The following NPFFR1 variants were observed in gnomAD, a reference collection of about 807,000 sequenced individuals.
The protein encoded by NPFFR1 is G-protein coupled receptor 147.
NPFFR1 carries 17 observed loss-of-function variants against 12.7 expected under a neutral mutation model. The ratio of observed to expected loss-of-function variants is 1.34; its 90% CI spans 0.92 to 2.01. The LOEUF (loss-of-function observed/expected upper bound fraction) is 2.01. Ranked by LOEUF, NPFFR1 falls within the 30% of genes most tolerant of loss-of-function variation. NPFFR1 has a pLI of 0.00. For missense variants in NPFFR1, 604 were observed against 606.5 expected (o/e 1.00, Z 0.04); for synonymous variants, 296 against 264.5 (o/e 1.12, Z -1.16).
intron 1 of NPFFR1, among the ~76,000 whole-genome samples, chr10:70,273,612 G>A (rs1266499449): frequency 6.6e-6 from 1 of 152,138 alleles, no homozygotes; most frequent in Non-Finnish European, 1.5e-5. Context: ...CCCCTGGGGA[G>A]TCAGCCTCCT....
intron 1 of NPFFR1, among the ~76,000 whole-genome samples, chr10:70,271,328 C>T (rs1057435395): frequency 3.3e-5 from 5 of 152,000 alleles, no homozygotes; most frequent in Admixed American, 6.6e-5. Context: ...GCCTGAGCAA[C>T]AGAGTGAAAC....
Position 70,249,605 on chromosome 10 carries a change from C to T in NPFFR1, c.*5352G>A, listed in dbSNP as rs1840489737. On this transcript the variant is annotated 3_prime_UTR_variant, in exon 4 of 4. Transcript: ENST00000277942. ...TCAAGTGATTCTCCTGCCTCAGTCT[C>T]CCAAGTAGCTGGGATTACAGGCGCA... 6.6e-6 allele frequency: 1 copy of T among 151,336 alleles called. No individual in the cohort carries two copies. Among genetic ancestry groups the T allele is most frequent in the Non-Finnish European group, 1.5e-5 (1 of 67,878 alleles). The allele number at this position is 151,336 out of a possible 1,614,324, so 9.4% of individuals were successfully genotyped here.
At chr10:70,262,705 T>C (rs923856389) in intron 2 of NPFFR1, among the ~76,000 whole-genome samples, 1 of 152,186 alleles carries the variant, frequency 6.6e-6, no homozygotes, top group East Asian at 1.9e-4. Context: ...GAGGTATCAG[T>C]CTGAACTCAT....
chr10:70,278,217 C>A (rs1226488761), intron 1 of NPFFR1, among the ~76,000 whole-genome samples: 2 of 152,008 alleles, frequency 1.3e-5, no homozygotes, highest in Non-Finnish European at 2.9e-5. Context: ...AGAATCATCC[C>A]CCTCTCCCCA....
At position 70,255,632 on chromosome 10, in the gene NPFFR1, G is replaced by A; in HGVS notation, c.618C>T (p.Ala206=). ...RSYPLYSCWE[A]WPEKGMRRVY... is the part of the protein sequence containing the mutation. ...CCCTGCGCATGCCCTTCTCGGGCCAGGCCTCCCAGCAGGAGTAGAGCGGGT... is the reference window on the plus strand; with the variant it reads ...CCCTGCGCATGCCCTTCTCGGGCCAAGCCTCCCAGCAGGAGTAGAGCGGGT... Residue 206 remains alanine, a synonymous_variant, in exon 4 of 4, where the codon GCC becomes GCT. Transcript: ENST00000277942. This position sits in a 1 kb window ranked among gnomAD's most constrained non-coding sequence, Gnocchi z 4.2. The A allele has an allele frequency of 6.3e-7, 1 of 1,583,548 alleles. No homozygotes were observed.
At chr10:70,281,002 AAAC>A (rs144095454) in intron 1 of NPFFR1, among the ~76,000 whole-genome samples, 3,254 of 151,948 alleles carry the variant, frequency 0.021, 106 homozygotes, top group African/African-American at 0.073. Context: ...ACTCCGTCTC[AAAC>A]AACAACAACA....
Position 70,254,893 on chromosome 10 carries a change from C to G in NPFFR1, c.*64G>C. ...TCACCTAACCACACCAGGCCGCTAT[C>G]GCCTGCATGTATCTCGTGTCCAATC... On this transcript the variant is annotated 3_prime_UTR_variant, in exon 4 of 4. Coordinates refer to ENST00000277942, the MANE Select transcript of NPFFR1 (RefSeq NM_022146.5). 1 of 1,374,090 alleles carries G rather than the reference C, an allele frequency of 7.3e-7. No homozygotes were observed. The allele number at this position is 1,374,090 out of a possible 1,614,324, so 85.1% of individuals were successfully genotyped here. A position where few individuals can be genotyped will look rare whatever the true frequency, so the allele number is the denominator to read the frequency against.
intron 3 of NPFFR1, among the ~76,000 whole-genome samples, chr10:70,260,160 G>A (rs966598369): frequency 3.9e-5 from 6 of 152,204 alleles, no homozygotes; most frequent in East Asian, 1.9e-4. Flanking sequence ...GCTGAGAGAC[G>A]AGAAGCGGTG....
At position 70,249,017 on chromosome 10, in the gene NPFFR1, G is replaced by A. The variant is rs1840483000; in HGVS notation, c.*5940C>T. ...TACTCAAACATCACCTCTTCACAGA[G>A]GCCATTCCTAACCATCTGTTCAAAT... On this transcript the variant is annotated 3_prime_UTR_variant, in exon 4 of 4. Coordinates refer to ENST00000277942, the MANE Select transcript of NPFFR1 (RefSeq NM_022146.5). 6.6e-6 allele frequency: 1 copy of A among 152,066 alleles called. No individual in the cohort carries two copies. The highest frequency in any genetic ancestry group is 6.5e-5 in the Admixed American group (1 of 15,282). The allele number at this position is 152,066 out of a possible 1,614,324, so 9.4% of individuals were successfully genotyped here.
chr10:70,255,330 G>T lies in NPFFR1; in HGVS notation c.920C>A (p.Thr307Asn). 6.3e-7 allele frequency: 1 copy of T among 1,578,486 alleles called. No homozygotes were observed. ...QLSAPQLHLV[T>N]VYAFPFAHWL... is the part of the protein sequence containing the mutation. ...GTGCGCGAAGGGGAAGGCGTAGACG[G>T]TGACCAGGTGCAGCTGCGGCGCGCT... Residue 307 changes from threonine (T) to asparagine (N), a missense_variant, in exon 4 of 4, where the codon ACC becomes AAC. Thr to Asn is a moderately conservative substitution (Grantham distance 65, BLOSUM62 0). Transcript: ENST00000277942. The surrounding 1 kb of genome is among the most constrained non-coding windows in gnomAD (Gnocchi z 4.2).
intron 1 of NPFFR1, among the ~76,000 whole-genome samples, chr10:70,271,236 G>A (rs1026023132): frequency 2.0e-5 from 3 of 152,206 alleles, no homozygotes; most frequent in African/African-American, 7.2e-5. Flanking sequence ...ACAGAGGCCA[G>A]GTGCCATGGC....
chr10:70,277,926 G>T (rs1332351101), intron 1 of NPFFR1: 4 of 501,436 alleles, frequency 8.0e-6, no homozygotes, highest in African/African-American at 7.8e-5. Context: ...TCTGTCTCTA[G>T]ATGTTGGGGA....
chr10:70,274,123 A>T (rs1840776891), intron 1 of NPFFR1, among the ~76,000 whole-genome samples: 1 of 152,156 alleles, frequency 6.6e-6, no homozygotes, highest in African/African-American at 2.4e-5. Flanking sequence ...TGGCCTTGAG[A>T]GCTGGCCCCA....
chr10:70,283,343 G>GTC (rs35152338), intron 1 of NPFFR1, among the ~76,000 whole-genome samples: 3,508 of 146,964 alleles, frequency 0.024, 123 homozygotes, highest in African/African-American at 0.081. Flanking sequence ...CTCTGTCTCT[G>GTC]TCTCTCTCTC....
At chr10:70,283,596 TC>T in intron 1 of NPFFR1, 73 bp downstream of exon 1, 1 of 1,403,682 alleles carries the variant, frequency 7.1e-7, no homozygotes, top group African/African-American at 1.4e-5. Flanking sequence ...CCCGGCCCTC[TC>T]CTCTCCCTTC....
At chr10:70,273,588 G>A (rs915844497) in intron 1 of NPFFR1, among the ~76,000 whole-genome samples, 7 of 152,080 alleles carry the variant, frequency 4.6e-5, no homozygotes, top group Admixed American at 1.3e-4. Flanking sequence ...CTTCTTTCTC[G>A]AGTACTGATT....
intron 1 of NPFFR1, among the ~76,000 whole-genome samples, chr10:70,266,849 T>C (rs1840698393): frequency 6.6e-6 from 1 of 152,168 alleles, no homozygotes; most frequent in African/African-American, 2.4e-5. Flanking sequence ...CTGGCCCAAT[T>C]CTTTCAGCAG....
chr10:70,256,951 T>C (rs1213747460), intron 3 of NPFFR1, among the ~76,000 whole-genome samples: 2 of 152,230 alleles, frequency 1.3e-5, no homozygotes, highest in Non-Finnish European at 2.9e-5. Flanking sequence ...TAGCATTATT[T>C]GTTATGTGCT....
At chr10:70,263,210 C>A (rs777837790) in intron 2 of NPFFR1, among the ~76,000 whole-genome samples, 2 of 152,104 alleles carry the variant, frequency 1.3e-5, no homozygotes, top group Admixed American at 6.5e-5. Context: ...CCCTGTGGAA[C>A]TATACACTTA....
Sources: gnomAD v4.1 joint callset for allele counts (sites outside exome capture counted in the v4.1 genomes callset) on GRCh38, gnomAD v4.1.1 for gene constraint, Gnocchi (gnomAD v3.1) non-coding constraint, MANE v1.5 for transcripts, NCBI Gene and HGNC (gene_info 2026-07-23, HGNC 2026-07-21) for gene names.